KLHDC4: variants seen among roughly 807,000 people sequenced by gnomAD.
The protein encoded by KLHDC4 is kelch domain containing 4, also known as kelch domain-containing protein 4.
KLHDC4 carries 90 observed loss-of-function variants against 62.4 expected under a neutral mutation model. That is an observed-to-expected ratio of 1.44 (90% CI 1.22 to 1.72). The LOEUF is 1.72. Among genes scored for constraint, KLHDC4 ranks in the 40% most tolerant of loss-of-function variants. The pLI is 0.00. For missense variants in KLHDC4, 1,025 were observed against 699.7 expected, an observed-to-expected ratio of 1.47 and a Z score of -5.25; for synonymous variants, 386 against 284.4, an observed-to-expected ratio of 1.36 and a Z score of -3.59.
In KLHDC4 at chr16:87,714,527, A is replaced by G. The variant is rs765570649; in HGVS notation, c.806T>C (p.Phe269Ser). The change falls in exon 8 of 12, where the codon TTC (phenylalanine) becomes TCC (serine). Residue 269 changes from phenylalanine to serine, a missense_variant. Physicochemically the swap from Phe to Ser is radical, Grantham distance 155. Coordinates refer to ENST00000270583, the MANE Select transcript of KLHDC4 (RefSeq NM_017566.4). ...VDKGTRHSDM[F>S]LLKPEDGRED... ...TCTTCCGTCCTCTGGCTTCAGCAGG[A>G]ACATGTCTGAGTGCCGTGTGCCCTT... The G allele has an allele frequency of 4.3e-6, 7 of 1,614,152 alleles. No individual in the cohort carries two copies. Among genetic ancestry groups the G allele is most frequent in the Non-Finnish European group, 5.9e-6 (7 of 1,180,022 alleles).
chr16:87,711,208 G>T, intron 9 of KLHDC4, 27 bp downstream of exon 9: 3 of 1,612,088 alleles, frequency 1.9e-6, no homozygotes, highest in Non-Finnish European at 2.5e-6. Context: ...GCGCACCACG[G>T]CGCATGCTAC....
At chr16:87,739,644 G>GCACC in intron 5 of KLHDC4, 1 of 143,964 alleles carries the variant, frequency 6.9e-6, no homozygotes, top group Non-Finnish European at 1.5e-5. Flanking sequence ...ACACCAGCAC[G>GCACC]TCATACATCC....
Position 87,714,534 on chromosome 16 carries a change from C to CT in KLHDC4, c.798dup (p.Asp267ArgfsTer51). 1 of 1,614,202 alleles carries CT rather than the reference C, an allele frequency of 6.2e-7. No individual in the cohort carries two copies. ...TCCTCTGGCTTCAGCAGGAACATGTCTGAGTGCCGTGTGCCCTTGTCCACG... is the reference window on the plus strand; with the variant it reads ...TCCTCTGGCTTCAGCAGGAACATGTCTTGAGTGCCGTGTGCCCTTGTCCACG... On this transcript the variant is annotated frameshift_variant, in exon 8 of 12. Coordinates refer to ENST00000270583, the MANE Select transcript of KLHDC4 (RefSeq NM_017566.4). LOFTEE classifies it high-confidence loss of function.
chr16:87,722,459 G>C (rs900927988), intron 7 of KLHDC4, among the ~76,000 whole-genome samples: 2 of 152,196 alleles, frequency 1.3e-5, no homozygotes, highest in Admixed American at 1.3e-4. Flanking sequence ...ATGAACCCGA[G>C]CTCTTCACAT....
chr16:87,723,052 T>C (rs1175711110), intron 7 of KLHDC4, among the ~76,000 whole-genome samples: 1 of 152,158 alleles, frequency 6.6e-6, no homozygotes. Flanking sequence ...GGACAGAGCA[T>C]GGCGGGTGAG....
At chr16:87,746,178 G>C (rs1294615158) in intron 5 of KLHDC4, among the ~76,000 whole-genome samples, 1 of 152,102 alleles carries the variant, frequency 6.6e-6, no homozygotes, top group East Asian at 1.9e-4. Flanking sequence ...GCTGAGGCAG[G>C]AAGACCACTT....
intron 10 of KLHDC4, among the ~76,000 whole-genome samples, chr16:87,708,909 C>T (rs2035200181): frequency 1.3e-5 from 2 of 152,252 alleles, no homozygotes; most frequent in South Asian, 2.1e-4. Context: ...GCAGAGGGGC[C>T]CTGGGTCAGG....
intron 4 of KLHDC4, 76 bp downstream of exon 4, chr16:87,755,118 C>G: frequency 1.0e-6 from 1 of 994,462 alleles, no homozygotes. Context: ...TGCCTGTCAC[C>G]TATCAACTCT....
intron 7 of KLHDC4, among the ~76,000 whole-genome samples, chr16:87,724,332 C>G (rs1167816597): frequency 6.6e-6 from 1 of 152,172 alleles, no homozygotes; most frequent in Non-Finnish European, 1.5e-5. Flanking sequence ...CTTCCTGTAT[C>G]ACAGACCGCA....
chr16:87,764,646 C>CAAAAAAAAA (rs564692904), intron 1 of KLHDC4, among the ~76,000 whole-genome samples: 1 of 33,838 alleles, frequency 3.0e-5, no homozygotes, highest in Non-Finnish European at 5.3e-5. Flanking sequence ...GAAACTCCTT[C>CAAAAAAAAA]AAAAAAAAAA....
intron 4 of KLHDC4, among the ~76,000 whole-genome samples, chr16:87,749,610 G>A (rs969132774): frequency 4.0e-5 from 6 of 150,870 alleles, no homozygotes; most frequent in Admixed American, 6.6e-5. Flanking sequence ...TAGAGACCAC[G>A]TCTTGCTCTA....
chr16:87,723,587 G>A (rs1239334402), intron 7 of KLHDC4, among the ~76,000 whole-genome samples: 6 of 152,244 alleles, frequency 3.9e-5, no homozygotes, highest in East Asian at 1.9e-4. Flanking sequence ...AAGCCTGACC[G>A]ATGCCAGCCA....
rs545682431 is a variant in KLHDC4, at chr16:87,742,569, C to A, written c.506+6104G>T. Among the ~76,000 whole-genome samples, 31 of 152,274 alleles carry A rather than the reference C, an allele frequency of 2.0e-4. No homozygotes were observed. The South Asian group carries it at 6.4e-3, about 32-fold the overall frequency. On this transcript the variant is annotated intron_variant, in intron 5 of 11. Coordinates refer to ENST00000270583, the MANE Select transcript of KLHDC4 (RefSeq NM_017566.4). ...ACTGGACCCCGTCTATGGTCCACAG[C>A]TGTCAGGATAGGGATCGTGGAGAGG...
chr16:87,699,470 G>C (rs1011726059), exon 1 of KLHDC4: 3 of 152,336 alleles, frequency 2.0e-5, no homozygotes, highest in Non-Finnish European at 1.5e-5. Context: ...AAGGCAGGTG[G>C]ATCACCTGAG....
intron 7 of KLHDC4, among the ~76,000 whole-genome samples, chr16:87,719,909 T>C (rs35969620): frequency 0.058 from 8,756 of 152,210 alleles, 328 homozygotes; most frequent in South Asian, 0.16. Context: ...TGGAGGCGCA[T>C]CGGCCGCACA....
At position 87,744,405 on chromosome 16, in the gene KLHDC4, G is replaced by C. The variant is rs1387155153; in HGVS notation, c.506+4268C>G. ...ACTCCAGCCTGGGCGACGAGAATGA[G>C]ACTCCGTCTCCAAAAAAAAAAAAAA... On this transcript the variant is annotated intron_variant, in intron 5 of 11. Transcript: ENST00000270583. Among the ~76,000 whole-genome samples the C allele has an allele frequency of 7.1e-5, 10 of 141,648 alleles. No individual in the cohort carries two copies. In the East Asian group the frequency reaches 2.2e-3, roughly 31 times the overall value. The allele number at this position is 141,648 out of a possible 152,430, so 92.9% of individuals were successfully genotyped here.
intron 9 of KLHDC4, 115 bp from the exon 10 acceptor site, chr16:87,709,782 T>C (rs2035413870): frequency 7.9e-7 from 1 of 1,265,606 alleles, no homozygotes; most frequent in Non-Finnish European, 1.1e-6. Flanking sequence ...GCGTGGGGAG[T>C]GTGTGACCCA....
intron 7 of KLHDC4, among the ~76,000 whole-genome samples, chr16:87,718,858 G>C (rs1597454359): frequency 6.6e-6 from 1 of 150,376 alleles, no homozygotes; most frequent in Non-Finnish European, 1.5e-5. Context: ...GATGTGAGGA[G>C]TGCCTCTGTC....
chr16:87,740,364 G>T (rs927126462), intron 5 of KLHDC4, among the ~76,000 whole-genome samples: 1 of 152,210 alleles, frequency 6.6e-6, no homozygotes, highest in Non-Finnish European at 1.5e-5. Flanking sequence ...AGCACAACGG[G>T]AGATTGACAA....
Sources: allele counts gnomAD v4.1 joint callset (sites outside exome capture counted in the v4.1 genomes callset), GRCh38; gene constraint gnomAD v4.1.1; transcripts MANE v1.5; gene names NCBI Gene and HGNC (gene_info 2026-07-23, HGNC 2026-07-21).